Variants in SIGLECL1 observed in about 807,000 individuals in gnomAD.
SIGLECL1 encodes the protein SIGLEC family-like protein 1.
A neutral mutation model predicts 19.1 loss-of-function variants in SIGLECL1; 16 were observed. That is an observed-to-expected ratio of 0.84 (90% CI 0.57 to 1.27). The LOEUF (loss-of-function observed/expected upper bound fraction) is 1.27, where lower values mean the gene tolerates loss of function less well. Among genes scored for constraint, SIGLECL1 ranks in the 50% most tolerant of loss-of-function variants. The probability of loss-of-function intolerance (pLI) is 0.00; values close to 1 mark genes in which losing one functional copy is unlikely to be tolerated. For missense variants in SIGLECL1, 210 were observed against 239.4 expected (o/e 0.88, Z 0.81); for synonymous variants, 89 against 90.4 (o/e 0.98, Z 0.09).
Position 51,265,618 on chromosome 19 carries a change from A to G in SIGLECL1, c.273A>G (p.Gly91=). The G allele has an allele frequency of 6.2e-7, 1 of 1,614,092 alleles. No individual in the cohort carries two copies. Among genetic ancestry groups the G allele is most frequent in the Non-Finnish European group, 8.5e-7 (1 of 1,179,984 alleles). Residue 91 remains glycine (G), a synonymous_variant, in exon 3 of 6, where the codon GGA becomes GGG. Coordinates refer to ENST00000601727, the MANE Select transcript of SIGLECL1 (RefSeq NM_001385465.1). Reference sequence around the variant, plus strand: ...TCTGTGAGGGGAAGAACCAAAACGGAACCCATGCTTTGAGCATCCTACTGA... The same window carrying G: ...TCTGTGAGGGGAAGAACCAAAACGGGACCCATGCTTTGAGCATCCTACTGA... ...RLLCEGKNQN[G]THALSILLMS...
chr19:51,268,951 T>G lies in SIGLECL1; in HGVS notation c.*354T>G, dbSNP rs184942021. On this transcript the variant is annotated 3_prime_UTR_variant, in exon 6 of 6. Transcript: ENST00000601727. ...CAGCAAGTTACTTTTGAGCGCCTAC[T>G]GTGTGTCAGTGCCTGAGATACACCT... 1.7e-3 allele frequency: 381 copies of G among 221,618 alleles called. 3 individuals are homozygous for G. The highest frequency in any genetic ancestry group is 3.2e-3 in the Middle Eastern group (2 of 616). The allele number at this position is 221,618 out of a possible 1,614,324, so 13.7% of individuals were successfully genotyped here. A position where few individuals can be genotyped will look rare whatever the true frequency, so the allele number is the denominator to read the frequency against.
chr19:51,252,156 G>A (rs1982529156), intron 1 of SIGLECL1, among the ~76,000 whole-genome samples: 1 of 152,082 alleles, frequency 6.6e-6, no homozygotes, highest in Non-Finnish European at 1.5e-5. Flanking sequence ...AATTAGATGG[G>A]CATCGTGGCC....
At chr19:51,256,083 A>G (rs1178811780) in intron 1 of SIGLECL1, 2 of 148,888 alleles carry the variant, frequency 1.3e-5, no homozygotes, top group African/African-American at 4.9e-5. Flanking sequence ...ATGTATACAC[A>G]CATGCACGCA....
chr19:51,246,759 ACTC>A (rs1163226574), upstream of SIGLECL1, among the ~76,000 whole-genome samples: 1 of 151,888 alleles, frequency 6.6e-6, no homozygotes, highest in African/African-American at 2.4e-5. Flanking sequence ...GTCTGAAGAA[ACTC>A]CTCTAAGCCT....
At chr19:51,264,370 C>T in intron 2 of SIGLECL1, 1 of 370,978 alleles carries the variant, frequency 2.7e-6, no homozygotes, top group Non-Finnish European at 4.9e-6. Flanking sequence ...TCAGACATTA[C>T]TGGAAGCCCT....
At chr19:51,247,673 C>T (rs1982310418), upstream of SIGLECL1, among the ~76,000 whole-genome samples, 1 of 152,236 alleles carries the variant, frequency 6.6e-6, no homozygotes, top group Non-Finnish European at 1.5e-5. Context: ...CCGCCTCAGC[C>T]TCCCAAAGTG....
At chr19:51,252,168 G>A (rs1272640050) in intron 1 of SIGLECL1, among the ~76,000 whole-genome samples, 1 of 151,954 alleles carries the variant, frequency 6.6e-6, no homozygotes, top group East Asian at 1.9e-4. Context: ...ATCGTGGCCC[G>A]TGCCTGTAGT....
At chr19:51,260,901 G>A (rs1401673942) in intron 1 of SIGLECL1, among the ~76,000 whole-genome samples, 2 of 152,152 alleles carry the variant, frequency 1.3e-5, no homozygotes, top group Non-Finnish European at 2.9e-5. Flanking sequence ...TGCAGTTATT[G>A]ATTGCAGTAT....
chr19:51,262,860 C>T (rs1440395688), intron 1 of SIGLECL1, among the ~76,000 whole-genome samples: 1 of 151,282 alleles, frequency 6.6e-6, no homozygotes, highest in East Asian at 1.9e-4. Flanking sequence ...CAATACCATA[C>T]TCTATGAATT....
At chr19:51,261,017 G>A (rs1983172533) in intron 1 of SIGLECL1, among the ~76,000 whole-genome samples, 1 of 152,296 alleles carries the variant, frequency 6.6e-6, no homozygotes, top group South Asian at 2.1e-4. Flanking sequence ...TGATTAAAAT[G>A]TCACACTACT....
intron 2 of SIGLECL1, among the ~76,000 whole-genome samples, chr19:51,264,966 A>C (rs566595458): frequency 1.3e-5 from 2 of 152,224 alleles, no homozygotes; most frequent in Non-Finnish European, 2.9e-5. Flanking sequence ...GGAAACAGCA[A>C]TGATAAGGGG....
At chr19:51,246,719 C>A (rs1056032020), upstream of SIGLECL1, among the ~76,000 whole-genome samples, 1 of 152,088 alleles carries the variant, frequency 6.6e-6, no homozygotes, top group African/African-American at 2.4e-5. Flanking sequence ...TAACAGGACC[C>A]GTTTAGGATT....
chr19:51,259,508 T>C (rs1419224242), intron 1 of SIGLECL1, among the ~76,000 whole-genome samples: 1 of 152,194 alleles, frequency 6.6e-6, no homozygotes, highest in Non-Finnish European at 1.5e-5. Context: ...ACGTTTGCTT[T>C]ATTTAGGCAG....
At chr19:51,264,407 G>A in intron 2 of SIGLECL1, 1 of 295,060 alleles carries the variant, frequency 3.4e-6, no homozygotes, top group East Asian at 7.7e-5. Flanking sequence ...GTGTTTCTGT[G>A]GGCACACTTT....
intron 4 of SIGLECL1, among the ~76,000 whole-genome samples, chr19:51,266,162 G>T (rs1373372906): frequency 2.6e-5 from 4 of 152,142 alleles, no homozygotes; most frequent in African/African-American, 7.2e-5. Context: ...GAGTCCCCGG[G>T]GTGCTGTCTG....
chr19:51,266,637 A>G (rs1568446842), intron 4 of SIGLECL1, among the ~76,000 whole-genome samples: 2 of 152,184 alleles, frequency 1.3e-5, no homozygotes, highest in African/African-American at 2.4e-5. Context: ...GTGTCTTTGT[A>G]TAATGTCAGG....
At chr19:51,247,652 A>C (rs1213078402), upstream of SIGLECL1, among the ~76,000 whole-genome samples, 2 of 152,190 alleles carry the variant, frequency 1.3e-5, no homozygotes, top group African/African-American at 4.8e-5. Context: ...TCCTGACCTC[A>C]GGTGATCCAC....
chr19:51,259,900 T>C (rs1385254190), intron 1 of SIGLECL1, among the ~76,000 whole-genome samples: 1 of 152,218 alleles, frequency 6.6e-6, no homozygotes, highest in Non-Finnish European at 1.5e-5. Context: ...AAGAGCGGTT[T>C]GATTTATGGA....
At chr19:51,259,120 A>G (rs1229200623) in intron 1 of SIGLECL1, among the ~76,000 whole-genome samples, 1 of 35,196 alleles carries the variant, frequency 2.8e-5, no homozygotes, top group African/African-American at 1.3e-4. Flanking sequence ...TCTGGGACTC[A>G]TGTGGGAGTC....
Sources: allele counts gnomAD v4.1 joint callset (sites outside exome capture counted in the v4.1 genomes callset), GRCh38; gene constraint gnomAD v4.1.1; transcripts MANE v1.5; gene names NCBI Gene and HGNC (gene_info 2026-07-23, HGNC 2026-07-21).